JAZF1: variants seen among roughly 807,000 people sequenced by gnomAD.
JAZF1 encodes juxtaposed with another zinc finger protein 1.
In JAZF1, 8 loss-of-function variants were observed where a neutral mutation model predicts 26.4. The observed-to-expected ratio is 0.30, with a 90% CI of 0.18 to 0.55. JAZF1 has a LOEUF of 0.55. JAZF1 is among the 20% of genes least tolerant of loss of function. The pLI, the probability that JAZF1 is intolerant of heterozygous loss-of-function variation, is 0.94. For missense variants in JAZF1, 199 were observed against 322.0 expected (o/e 0.62, Z 2.92); for synonymous variants, 126 against 122.3 (o/e 1.03, Z -0.20).
chr7:28,070,703 G>C (rs1378417613), intron 1 of JAZF1, among the ~76,000 whole-genome samples: 1 of 152,222 alleles, frequency 6.6e-6, no homozygotes, highest in Non-Finnish European at 1.5e-5. Context: ...AGGAAGATGG[G>C]CATTTGAACA....
intron 1 of JAZF1, among the ~76,000 whole-genome samples, chr7:28,124,765 G>A (rs943594079): frequency 6.6e-6 from 1 of 152,140 alleles, no homozygotes; most frequent in Admixed American, 6.5e-5. Flanking sequence ...AAATGCTGTG[G>A]AACAGATGTG....
chr7:27,986,682 T>C (rs1206953581), intron 2 of JAZF1, among the ~76,000 whole-genome samples: 3 of 135,224 alleles, frequency 2.2e-5, no homozygotes, highest in African/African-American at 8.3e-5. Context: ...TCTCCCACTT[T>C]CCACGGTCTC....
rs572559516 is a variant in JAZF1, at chr7:28,157,865, G to A, written c.115+22598C>T. 8.5e-4 allele frequency among the ~76,000 whole-genome samples: 130 copies of A among 152,052 alleles called. 5 individuals are homozygous for A. The South Asian group carries it at 0.026, about 31-fold the overall frequency. On this transcript the variant is annotated intron_variant, in intron 1 of 4. Coordinates refer to ENST00000283928, the MANE Select transcript of JAZF1 (RefSeq NM_175061.4). Reference sequence around the variant, plus strand: ...CTGTTCAAAATGAACAAAAAATTAAGGAATGGAAGAGTCCCCTTTATTTTT... The same window carrying A: ...CTGTTCAAAATGAACAAAAAATTAAAGAATGGAAGAGTCCCCTTTATTTTT...
chr7:27,991,941 C>T lies in JAZF1; in HGVS notation c.156G>A (p.Gln52=), dbSNP rs770163102. The stretch of plus-strand genomic sequence containing the variant: ...TGTAACTCAGGGCAACATAGGTTGG[C>T]TGCTGTAATTCTTGTTTTTCTAAAA... ...PRVLEKQELQ[Q]PTYVALSYIN... is the part of the protein sequence containing the mutation. The change falls in exon 2 of 5, where the codon CAG becomes CAA. Residue 52 remains glutamine (Q), a synonymous_variant. Transcript: ENST00000283928. The T allele has an allele frequency of 3.1e-6, 5 of 1,607,120 alleles. No individual in the cohort carries two copies. The highest frequency in any genetic ancestry group is 4.3e-6 in the Non-Finnish European group (5 of 1,174,690).
chr7:27,891,998 T>C (rs1019128593), intron 3 of JAZF1, among the ~76,000 whole-genome samples: 5 of 152,228 alleles, frequency 3.3e-5, no homozygotes, highest in African/African-American at 9.6e-5. Flanking sequence ...AGATGACTAT[T>C]ACTTCTGAAG....
At chr7:28,066,953 C>T (rs1050534857) in intron 1 of JAZF1, among the ~76,000 whole-genome samples, 1 of 152,196 alleles carries the variant, frequency 6.6e-6, no homozygotes, top group African/African-American at 2.4e-5. Flanking sequence ...GAAGAACTAG[C>T]AGGTACCTCC....
At chr7:28,090,726 G>A (rs1297309816) in intron 1 of JAZF1, among the ~76,000 whole-genome samples, 2 of 151,546 alleles carry the variant, frequency 1.3e-5, no homozygotes, top group African/African-American at 2.4e-5. Context: ...CAGCTTACCC[G>A]ACTTTTAACC....
At chr7:28,054,938 A>G (rs550299532) in intron 1 of JAZF1, among the ~76,000 whole-genome samples, 2 of 152,136 alleles carry the variant, frequency 1.3e-5, no homozygotes, top group East Asian at 3.9e-4. Flanking sequence ...TTGCATTTTG[A>G]GGTAAAAGTT....
intron 2 of JAZF1, among the ~76,000 whole-genome samples, chr7:27,927,803 C>G (rs909538494): frequency 2.0e-5 from 3 of 152,252 alleles, no homozygotes; most frequent in African/African-American, 7.2e-5. Context: ...TCTCAGCACC[C>G]TTTAAATCAC....
intron 2 of JAZF1, among the ~76,000 whole-genome samples, chr7:27,948,009 G>T (rs1174686004): frequency 6.6e-6 from 1 of 152,160 alleles, no homozygotes; most frequent in African/African-American, 2.4e-5. Flanking sequence ...GGCTGCCAAG[G>T]ATGTCAAAAA....
intron 2 of JAZF1, among the ~76,000 whole-genome samples, chr7:27,976,187 A>T (rs1785466326): frequency 6.6e-6 from 1 of 152,060 alleles, no homozygotes; most frequent in African/African-American, 2.4e-5. Flanking sequence ...TACTAAAAAT[A>T]CAAAAAAAAT....
chr7:28,023,626 C>T (rs751406847), intron 1 of JAZF1, among the ~76,000 whole-genome samples: 2 of 152,318 alleles, frequency 1.3e-5, no homozygotes, highest in South Asian at 4.1e-4. Flanking sequence ...AACCTGTATT[C>T]ATCCACTCAT....
intron 2 of JAZF1, among the ~76,000 whole-genome samples, chr7:27,931,848 G>A (rs1784693448): frequency 6.6e-6 from 1 of 152,074 alleles, no homozygotes; most frequent in African/African-American, 2.4e-5. Context: ...GGGAGGTAGA[G>A]GTTGCAGTGA....
At chr7:28,137,926 T>C (rs953682608) in intron 1 of JAZF1, among the ~76,000 whole-genome samples, 6 of 152,212 alleles carry the variant, frequency 3.9e-5, no homozygotes, top group South Asian at 4.1e-4. Flanking sequence ...ATTTTCCTGA[T>C]GGGGAGACTG....
chr7:27,859,033 AAAAC>A (rs1274835657), intron 3 of JAZF1, among the ~76,000 whole-genome samples: 3 of 152,336 alleles, frequency 2.0e-5, no homozygotes, highest in South Asian at 2.1e-4. Flanking sequence ...TTACAAGAAA[AAAAC>A]AAACAACCCC....
chr7:28,147,903 C>T (rs938187193), intron 1 of JAZF1, among the ~76,000 whole-genome samples: 3 of 151,470 alleles, frequency 2.0e-5, no homozygotes, highest in Non-Finnish European at 4.4e-5. Context: ...AAGTGAGACC[C>T]TGTCTCAAAA....
At chr7:27,894,044 C>A (rs192011901) in intron 3 of JAZF1, among the ~76,000 whole-genome samples, 1 of 152,196 alleles carries the variant, frequency 6.6e-6, no homozygotes, top group Admixed American at 6.5e-5. Context: ...TTTTGTTCTT[C>A]GTCTATGACT....
chr7:27,918,905 CATTG>C (rs2128347367), intron 2 of JAZF1, among the ~76,000 whole-genome samples: 1 of 152,258 alleles, frequency 6.6e-6, no homozygotes, highest in East Asian at 1.9e-4. Context: ...TGGGAAATGA[CATTG>C]ATTGTTGAAA....
chr7:28,046,549 T>C (rs1783499637), intron 1 of JAZF1, among the ~76,000 whole-genome samples: 2 of 152,194 alleles, frequency 1.3e-5, no homozygotes, highest in African/African-American at 2.4e-5. Flanking sequence ...AAAAATAGTA[T>C]GGTTTAAGTT....
Sources: gnomAD v4.1 joint callset for allele counts (sites outside exome capture counted in the v4.1 genomes callset) on GRCh38, gnomAD v4.1.1 for gene constraint, MANE v1.5 for transcripts, NCBI Gene and HGNC (gene_info 2026-07-23, HGNC 2026-07-21) for gene names.